The following ANKRD27 variants were observed in gnomAD, a reference collection of about 807,000 sequenced individuals.
The protein encoded by ANKRD27 is ankyrin repeat domain 27.
A neutral mutation model predicts 129.7 loss-of-function variants in ANKRD27; 112 were observed. The observed-to-expected ratio is 0.86, with a 90% CI of 0.74 to 1.01. The LOEUF (loss-of-function observed/expected upper bound fraction) is 1.01. Ranked by LOEUF, ANKRD27 falls within the 50% of genes least tolerant of loss-of-function variation. The pLI, the probability that ANKRD27 is intolerant of heterozygous loss-of-function variation, is 0.00. For synonymous variants in ANKRD27, 516 were observed against 511.2 expected (o/e 1.01, Z -0.13); for missense variants, 1,258 against 1,300.5 (o/e 0.97, Z 0.50).
chr19:32,666,875 G>C (rs1450085340), intron 1 of ANKRD27, among the ~76,000 whole-genome samples: 2 of 151,954 alleles, frequency 1.3e-5, no homozygotes, highest in Non-Finnish European at 2.9e-5. Flanking sequence ...TCAAACTCCT[G>C]ACCTCAAGTG....
At chr19:32,614,904 A>G (rs1475487265) in intron 22 of ANKRD27, among the ~76,000 whole-genome samples, 2 of 152,078 alleles carry the variant, frequency 1.3e-5, no homozygotes, top group African/African-American at 4.8e-5. Context: ...TCTGTACCAC[A>G]GTTTTGCAAG....
Position 32,631,461 on chromosome 19 carries a change from T to C in ANKRD27, c.1150A>G (p.Lys384Glu), listed in dbSNP as rs143351710. ...SEGFGDRLFL[K>E]QRMSLLSQMT... is the part of the protein sequence containing the mutation. ...TGAGAGAGTAAGCTCATTCTCTGCT[T>C]AAGGAACAGCCTGTCTCCAAATCCC... Residue 384 changes from lysine to glutamate, a missense_variant, in exon 13 of 29, where the codon AAG becomes GAG. Transcript: ENST00000306065. 9.3e-6 allele frequency: 15 copies of C among 1,614,120 alleles called. No homozygotes were observed. The highest frequency in any genetic ancestry group is 1.3e-5 in the Non-Finnish European group (15 of 1,180,016).
intron 25 of ANKRD27, among the ~76,000 whole-genome samples, chr19:32,604,006 G>A (rs1021638103): frequency 2.0e-5 from 3 of 151,626 alleles, no homozygotes; most frequent in Non-Finnish European, 4.4e-5. Flanking sequence ...GCTAGCTGAG[G>A]GGGGGGCCCC....
intron 26 of ANKRD27, among the ~76,000 whole-genome samples, chr19:32,600,799 C>T (rs890814162): frequency 5.3e-5 from 8 of 151,758 alleles, no homozygotes; most frequent in South Asian, 2.1e-4. Context: ...TCAGGGTTAT[C>T]GAGATATGTG....
intron 2 of ANKRD27, among the ~76,000 whole-genome samples, chr19:32,653,328 C>T (rs1967456027): frequency 6.6e-6 from 1 of 152,180 alleles, no homozygotes; most frequent in Non-Finnish European, 1.5e-5. Context: ...CTACTTACCC[C>T]ATTAAATCAG....
In ANKRD27 at chr19:32,643,129, T is replaced by G. The variant is rs1967232628; in HGVS notation, c.776A>C (p.Glu259Ala). The change falls in exon 9 of 29, where the codon GAG becomes GCG. Residue 259 changes from glutamate (E) to alanine (A), a missense_variant. Physicochemically the swap from Glu to Ala is moderately radical, Grantham distance 107. Coordinates refer to ENST00000306065, the MANE Select transcript of ANKRD27 (RefSeq NM_032139.3). ...CTGTGGCGCAAACCCTTACCTGAAC[T>G]CCGGTTTCACACCAATATCTTTCTG... is the stretch of plus-strand genomic sequence containing the variant. ...LQQKDIGVKP[E>A]FSFNIPRAKR... The G allele has an allele frequency of 6.2e-7, 1 of 1,613,734 alleles. No homozygotes were observed. Among genetic ancestry groups the G allele is most frequent in the Non-Finnish European group, 8.5e-7 (1 of 1,179,960 alleles).
At chr19:32,672,281 C>T (rs560534259) in intron 1 of ANKRD27, among the ~76,000 whole-genome samples, 17 of 152,326 alleles carry the variant, frequency 1.1e-4, no homozygotes, top group African/African-American at 3.8e-4. Context: ...ATTTTTCACA[C>T]CAATGGAAGC....
intron 1 of ANKRD27, among the ~76,000 whole-genome samples, chr19:32,663,609 C>T (rs1049467211): frequency 1.1e-4 from 17 of 152,152 alleles, no homozygotes; most frequent in Admixed American, 4.6e-4. Flanking sequence ...GATAATGCTA[C>T]GGCTGTCACA....
chr19:32,653,085 A>G (rs1967450048), intron 2 of ANKRD27, among the ~76,000 whole-genome samples: 1 of 152,134 alleles, frequency 6.6e-6, no homozygotes, highest in Non-Finnish European at 1.5e-5. Flanking sequence ...TGGCCTGCAA[A>G]TGGCCTGTTC....
intron 22 of ANKRD27, among the ~76,000 whole-genome samples, chr19:32,608,081 A>G (rs2868151): frequency 0.59 from 88,363 of 150,886 alleles, 26,958 homozygotes; most frequent in Non-Finnish European, 0.69. Flanking sequence ...ATGGCTCACT[A>G]CAGCCTCGAC....
intron 1 of ANKRD27, among the ~76,000 whole-genome samples, chr19:32,670,052 G>A (rs985498951): frequency 6.6e-6 from 1 of 151,546 alleles, no homozygotes; most frequent in Non-Finnish European, 1.5e-5. Context: ...ATGAACTAGA[G>A]GATGGGAAAG....
chr19:32,630,820 C>A (rs141903487), intron 13 of ANKRD27, among the ~76,000 whole-genome samples: 62 of 152,116 alleles, frequency 4.1e-4, no homozygotes, highest in Middle Eastern at 6.8e-3. Context: ...TTTGTAGAGA[C>A]GGGTACTCAT....
chr19:32,597,971 T>G lies in ANKRD27; in HGVS notation c.*174A>C, dbSNP rs529925015. ...TGAAGAGGAGAGAGATGGTGGTGGT[T>G]AACTTTTTTGTTGCATTCTTTCCTG... is the stretch of plus-strand genomic sequence containing the variant. On this transcript the variant is annotated 3_prime_UTR_variant, in exon 29 of 29. Transcript: ENST00000306065. The G allele has an allele frequency of 1.3e-4, 81 of 616,416 alleles. No individual in the cohort carries two copies. Among genetic ancestry groups the G allele is most frequent in the South Asian group, 4.9e-4 (25 of 50,666 alleles). 38.2% of individuals were successfully genotyped at this position (616,416 alleles called of 1,614,324 possible).
intron 1 of ANKRD27, among the ~76,000 whole-genome samples, chr19:32,659,952 T>C (rs36054879): frequency 0.024 from 3,717 of 152,238 alleles, 75 homozygotes; most frequent in East Asian, 0.12. Context: ...TAAACAATTA[T>C]CTACCTCTAC....
intron 4 of ANKRD27, among the ~76,000 whole-genome samples, chr19:32,645,878 C>T (rs1207732026): frequency 2.0e-5 from 3 of 151,054 alleles, no homozygotes; most frequent in South Asian, 4.2e-4. Context: ...TCAGGTAATC[C>T]GCCCACCTCG....
chr19:32,640,458 C>A (rs371173475), intron 10 of ANKRD27, 73 bp from the exon 11 acceptor site: 16 of 1,254,208 alleles, frequency 1.3e-5, no homozygotes, highest in East Asian at 4.7e-5. Context: ...AACTCCCTAC[C>A]ACCGCACACC....
chr19:32,673,387 C>T (rs900285691), intron 1 of ANKRD27: 24 of 985,270 alleles, frequency 2.4e-5, no homozygotes, highest in Non-Finnish European at 2.8e-5. Context: ...TTCACTCACG[C>T]CTGTCCACCA....
At chr19:32,658,625 C>T (rs566245223) in intron 2 of ANKRD27, among the ~76,000 whole-genome samples, 6 of 152,258 alleles carry the variant, frequency 3.9e-5, no homozygotes, top group South Asian at 2.1e-4. Flanking sequence ...ACGAGAGCAC[C>T]GCAGCGTGAG....
Position 32,664,069 on chromosome 19 carries a change from A to AAAAG in ANKRD27, c.-30-5025_-30-5024insCTTT, listed in dbSNP as rs1483632931. On this transcript the variant is annotated intron_variant, in intron 1 of 28. Coordinates refer to ENST00000306065, the MANE Select transcript of ANKRD27 (RefSeq NM_032139.3). The stretch of plus-strand genomic sequence containing the variant: ...AGACTCTGTCTCAAAAAAAAAAAAA[A>AAAAG]AAAAAGAAAGAAATAGGGTGCAATT... 1.9e-3 allele frequency among the ~76,000 whole-genome samples: 233 copies of AAAAG among 123,346 alleles called. 11 individuals carry two copies. The highest frequency in any genetic ancestry group is 0.012 in the African/African-American group (226 of 18,102). The allele number at this position is 123,346 out of a possible 152,430, so 80.9% of individuals were successfully genotyped here. A position where few individuals can be genotyped will look rare whatever the true frequency, so the allele number is the denominator to read the frequency against.
Sources: allele counts gnomAD v4.1 joint callset (sites outside exome capture counted in the v4.1 genomes callset), GRCh38; gene constraint gnomAD v4.1.1; transcripts MANE v1.5; gene names NCBI Gene and HGNC (gene_info 2026-07-23, HGNC 2026-07-21).